The following ABCA5 variants were observed in gnomAD, a reference collection of about 807,000 sequenced individuals.
The protein encoded by ABCA5 is cholesterol transporter ABCA5.
ABCA5 carries 163 observed loss-of-function variants against 206.0 expected under a neutral mutation model. That is an observed-to-expected ratio of 0.79 (90% CI 0.70 to 0.90). ABCA5 has a LOEUF of 0.90. ABCA5 is among the 40% of genes least tolerant of loss of function. The pLI is 0.00. For synonymous variants in ABCA5, 609 were observed against 613.8 expected (o/e 0.99, Z 0.11); for missense variants, 1,859 against 1,912.9 (o/e 0.97, Z 0.53).
rs2071461348 is a variant in ABCA5 at position 69,245,519 on chromosome 17, A to T, written c.*2018T>A. The stretch of plus-strand genomic sequence containing the variant: ...CAGCTCACTTACCCTTGTTTTCCTA[A>T]GAATTAAGTTATATTTCTCCTGAGT... On this transcript the variant is annotated 3_prime_UTR_variant, in exon 39 of 39. Transcript: ENST00000392676. The T allele has an allele frequency of 6.6e-6, 1 of 151,926 alleles. No individual in the cohort carries two copies. The highest frequency in any genetic ancestry group is 2.1e-4 in the South Asian group (1 of 4,834). 9.4% of individuals were successfully genotyped at this position (151,926 alleles called of 1,614,324 possible).
chr17:69,279,905 CGT>C (rs2075373146), intron 18 of ABCA5, among the ~76,000 whole-genome samples: 1 of 152,088 alleles, frequency 6.6e-6, no homozygotes, highest in Admixed American at 6.5e-5. Context: ...AAGACTTAAA[CGT>C]TAGACCTAAA....
At chr17:69,261,038 C>A in intron 26 of ABCA5, 87 bp downstream of exon 26, 1 of 1,151,040 alleles carries the variant, frequency 8.7e-7, no homozygotes, top group Non-Finnish European at 1.2e-6. Flanking sequence ...ATGCATTTTA[C>A]TGTTTTCTAT....
At chr17:69,279,417 T>C (rs1407797812) in intron 18 of ABCA5, among the ~76,000 whole-genome samples, 1 of 152,084 alleles carries the variant, frequency 6.6e-6, no homozygotes, top group Non-Finnish European at 1.5e-5. Flanking sequence ...TCCATGCTCA[T>C]GGGTAGGAAG....
In ABCA5 at chr17:69,308,304, T is replaced by G; in HGVS notation, c.534A>C (p.Ala178=). 6.2e-7 allele frequency: 1 copy of G among 1,610,926 alleles called. No individual in the cohort carries two copies. Among genetic ancestry groups the G allele is most frequent in the Non-Finnish European group, 8.5e-7 (1 of 1,177,602 alleles). Residue 178 remains alanine (A), a synonymous_variant, in exon 5 of 39, where the codon GCA becomes GCC. Coordinates refer to ENST00000392676, the MANE Select transcript of ABCA5 (RefSeq NM_172232.4). The part of the protein sequence containing the change: ...YWSSGFTVLQ[A]SIDAAIIQLK... ...CCTGTATAATGGCAGCATCTATGGA[T>G]GCTTGTAAAACTGTGAAACCTGAGG...
At position 69,314,444 on chromosome 17, in the gene ABCA5, A is replaced by C; in HGVS notation, c.-15-14T>G. 2.6e-6 allele frequency: 4 copies of C among 1,514,800 alleles called. No homozygotes were observed. Among genetic ancestry groups the C allele is most frequent in the Non-Finnish European group, 3.6e-6 (4 of 1,098,250 alleles). 93.8% of individuals were successfully genotyped at this position (1,514,800 alleles called of 1,614,324 possible). On this transcript the variant is annotated splice_polypyrimidine_tract_variant and intron_variant, in intron 1 of 38. Coordinates refer to ENST00000392676, the MANE Select transcript of ABCA5 (RefSeq NM_172232.4). Reference sequence around the variant, plus strand: ...TTCTGAATAAACCTATTAAAGAGGAAAAACAAACAAACAAACCCGGAGCCA... The same window carrying C: ...TTCTGAATAAACCTATTAAAGAGGACAAACAAACAAACAAACCCGGAGCCA...
chr17:69,289,099 ATT>A, intron 14 of ABCA5, 76 bp downstream of exon 14: 1 of 1,409,530 alleles, frequency 7.1e-7, no homozygotes, highest in Non-Finnish European at 9.6e-7. Context: ...TACATAATGT[ATT>A]ATATCTTTCT....
chr17:69,252,016 A>ACTTTTATATTCTTTTTTTTTTTTTTTTTT (rs71144665), intron 34 of ABCA5, 150 bp from the exon 35 acceptor site: 2 of 522,848 alleles, frequency 3.8e-6, no homozygotes, highest in African/African-American at 2.0e-5. Flanking sequence ...CCCAACTATG[A>ACTTTTATATTCTTTTTTTTTTTTTTTTTT]TTTTTTTTTT....
intron 28 of ABCA5, among the ~76,000 whole-genome samples, chr17:69,256,873 G>A (rs566831992): frequency 6.6e-6 from 1 of 152,124 alleles, no homozygotes; most frequent in South Asian, 2.1e-4. Flanking sequence ...CAGAAAGAAA[G>A]ATGAAAAAAC....
At chr17:69,302,319 AC>A (rs2075660687) in intron 8 of ABCA5, among the ~76,000 whole-genome samples, 1 of 152,170 alleles carries the variant, frequency 6.6e-6, no homozygotes, top group Non-Finnish European at 1.5e-5. Context: ...CACTACACTC[AC>A]GGTAAATTTG....
intron 22 of ABCA5, 88 bp from the exon 23 acceptor site, chr17:69,268,144 A>C: frequency 1.6e-6 from 1 of 616,970 alleles, no homozygotes; most frequent in South Asian, 2.3e-5. Context: ...TATCAAAAAA[A>C]AATCAAAACC....
intron 8 of ABCA5, 47 bp from the exon 9 acceptor site, chr17:69,301,333 A>G: frequency 6.6e-7 from 1 of 1,526,036 alleles, no homozygotes; most frequent in Non-Finnish European, 8.8e-7. Context: ...TGACAAAAAC[A>G]AGCAAAAGCT....
chr17:69,291,268 T>C lies in ABCA5; in HGVS notation c.1554A>G (p.Thr518=). The change falls in exon 12 of 39, where the codon ACA becomes ACG. Residue 518 remains threonine, a synonymous_variant. Transcript: ENST00000392676. ...QITALLGHSG[T]GKSTLMNILC... ...GAATATTCATCAATGTACTCTTTCCTGTTCCACTGTGGCCAAGTAAGGCAG... is the reference window on the plus strand; with the variant it reads ...GAATATTCATCAATGTACTCTTTCCCGTTCCACTGTGGCCAAGTAAGGCAG... 6.2e-7 allele frequency: 1 copy of C among 1,611,994 alleles called. No homozygotes were observed. Among genetic ancestry groups the C allele is most frequent in the Admixed American group, 1.7e-5 (1 of 59,954 alleles).
Position 69,256,214 on chromosome 17 carries a change from A to G in ABCA5, c.3801T>C (p.Asp1267=), listed in dbSNP as rs1332692422. ...TGACCTTTAGTCTTTCAGCTTTGAC[A>G]TCTTCATCTTCATCCTCATTGTCTG... ...EPPDNEDEDE[D]VKAERLKVKE... Residue 1267 remains aspartate, a synonymous_variant, in exon 29 of 39, where the codon GAT becomes GAC. Transcript: ENST00000392676. The G allele has an allele frequency of 6.2e-7, 1 of 1,610,482 alleles. No homozygotes were observed. The highest frequency in any genetic ancestry group is 8.5e-7 in the Non-Finnish European group (1 of 1,178,100).
At chr17:69,267,873 TCAAG>T (rs1370563076) in intron 23 of ABCA5, 66 bp downstream of exon 23, 87 of 769,684 alleles carry the variant, frequency 1.1e-4, no homozygotes, top group South Asian at 6.8e-4. Flanking sequence ...AGCCTTGCAA[TCAAG>T]CAAATAGGTT....
Position 69,287,822 on chromosome 17 carries a change from C to T in ABCA5, c.1903-71G>A, listed in dbSNP as rs1488815467. The T allele has an allele frequency of 3.7e-6, 5 of 1,336,466 alleles. No individual in the cohort carries two copies. The African/African-American group carries it at 6.0e-5, about 16-fold the overall frequency. 82.8% of individuals were successfully genotyped at this position (1,336,466 alleles called of 1,614,324 possible). On this transcript the variant is annotated intron_variant, in intron 14 of 38. Coordinates refer to ENST00000392676, the MANE Select transcript of ABCA5 (RefSeq NM_172232.4). ...TAAATATTAAACAGGCATGTGGACACTAAAAAACTGCCCCATTTCAAATTA... is the reference window on the plus strand; with the variant it reads ...TAAATATTAAACAGGCATGTGGACATTAAAAAACTGCCCCATTTCAAATTA...
At chr17:69,270,502 G>T in intron 22 of ABCA5, 111 bp downstream of exon 22, 1 of 1,029,530 alleles carries the variant, frequency 9.7e-7, no homozygotes, top group Non-Finnish European at 1.4e-6. Context: ...AGAAGTCTAA[G>T]AGATCTCACA....
intron 6 of ABCA5, 92 bp downstream of exon 6, chr17:69,306,633 A>C (rs1043420463): frequency 2.1e-4 from 122 of 576,000 alleles, no homozygotes; most frequent in South Asian, 3.2e-4. Context: ...GCACATCATC[A>C]AGTTAGGTAA....
intron 20 of ABCA5, 82 bp downstream of exon 20, chr17:69,273,877 G>A: frequency 1.5e-6 from 2 of 1,338,402 alleles, no homozygotes; most frequent in Admixed American, 2.5e-5. Flanking sequence ...CTTAAATATA[G>A]TTTTAAAATC....
intron 14 of ABCA5, among the ~76,000 whole-genome samples, chr17:69,288,804 A>AC (rs1217076876): frequency 6.6e-6 from 1 of 152,136 alleles, no homozygotes; most frequent in Non-Finnish European, 1.5e-5. Context: ...TCCTAAAAGT[A>AC]ACCAGTTATC....
Sources: gnomAD v4.1 joint callset for allele counts (sites outside exome capture counted in the v4.1 genomes callset) on GRCh38, gnomAD v4.1.1 for gene constraint, MANE v1.5 for transcripts, NCBI Gene and HGNC (gene_info 2026-07-23, HGNC 2026-07-21) for gene names.